The following ZMYM2 variants were observed in gnomAD, a reference collection of about 807,000 sequenced individuals.
ZMYM2 encodes the protein zinc finger MYM-type protein 2.
A neutral mutation model predicts 162.8 loss-of-function variants in ZMYM2; 56 were observed. That is an observed-to-expected ratio of 0.34 (90% confidence interval 0.28 to 0.43). The LOEUF (loss-of-function observed/expected upper bound fraction) is 0.43, where lower values mean the gene tolerates loss of function less well. Among genes scored for constraint, ZMYM2 ranks in the 20% least tolerant of loss-of-function variants. ZMYM2 has a pLI of 1.00. For missense variants in ZMYM2, 1,275 were observed against 1,621.8 expected (o/e 0.79, Z 3.67); for synonymous variants, 510 against 541.6 (o/e 0.94, Z 0.81).
upstream of ZMYM2, among the ~76,000 whole-genome samples, chr13:19,957,533 A>C (rs1187887077): frequency 6.6e-6 from 1 of 152,194 alleles, no homozygotes; most frequent in Non-Finnish European, 1.5e-5. Context: ...CCCCTCGTGG[A>C]GGTGGCCTGT....
At chr13:19,906,189 C>T in the ZMYM2 span, among the ~76,000 whole-genome samples, 2 of 150,218 alleles carry the variant, frequency 1.3e-5, no homozygotes, top group Non-Finnish European at 3.0e-5. Flanking sequence ...GCAGGAGAAT[C>T]GCTTGAACCT....
chr13:19,871,711 T>TA, the ZMYM2 span, among the ~76,000 whole-genome samples: 2 of 152,216 alleles, frequency 1.3e-5, no homozygotes, highest in Non-Finnish European at 1.5e-5. Context: ...ATACTAAATG[T>TA]AAAAAATTGA....
the ZMYM2 span, among the ~76,000 whole-genome samples, chr13:19,934,768 TTTC>T: frequency 0.048 from 202 of 4,242 alleles, 1 homozygote; most frequent in South Asian, 0.36. Flanking sequence ...TCTTTCTTTC[TTTC>T]TTTTTTTTTT....
intron 14 of ZMYM2, among the ~76,000 whole-genome samples, chr13:20,053,780 T>C (rs1955567479): frequency 1.3e-5 from 2 of 152,230 alleles, no homozygotes. Context: ...ATGTTAATAG[T>C]TGGACAGAAT....
rs189619944 is a variant in ZMYM2 at position 20,081,871 on chromosome 13, A to G, written c.3454-145A>G. ...ATGATTCTTTATAATTTCTAGGTGC[A>G]TACATAAAATCAGTCATGTTTTAGT... On this transcript the variant is annotated intron_variant, in intron 21 of 24. Coordinates refer to ENST00000610343, the MANE Select transcript of ZMYM2 (RefSeq NM_197968.4). 3.0e-3 allele frequency: 1,482 copies of G among 491,894 alleles called. 5 individuals carry two copies. Among genetic ancestry groups the G allele is most frequent in the Non-Finnish European group, 3.4e-3 (984 of 285,272 alleles). 30.5% of individuals were successfully genotyped at this position (491,894 alleles called of 1,614,324 possible). A position where few individuals can be genotyped will look rare whatever the true frequency, so the allele number is the denominator to read the frequency against.
upstream of ZMYM2, among the ~76,000 whole-genome samples, chr13:19,957,499 G>A (rs1566143531): frequency 6.6e-6 from 1 of 152,238 alleles, no homozygotes; most frequent in Non-Finnish European, 1.5e-5. Context: ...AGACGTAGGT[G>A]TAGACGAGGA....
chr13:20,022,105 G>A (rs1374990004), intron 7 of ZMYM2, among the ~76,000 whole-genome samples: 2 of 152,206 alleles, frequency 1.3e-5, no homozygotes, highest in African/African-American at 2.4e-5. Flanking sequence ...CTTGTGTGTA[G>A]AGTTTGAAAA....
intron 4 of ZMYM2, among the ~76,000 whole-genome samples, chr13:20,003,395 A>G (rs532573777): frequency 6.6e-6 from 1 of 152,218 alleles, no homozygotes; most frequent in African/African-American, 2.4e-5. Context: ...AGAAGAAATT[A>G]GTTCTTATAG....
At chr13:19,964,005 T>TA (rs1229408484) in intron 2 of ZMYM2, among the ~76,000 whole-genome samples, 1 of 152,206 alleles carries the variant, frequency 6.6e-6, no homozygotes, top group Non-Finnish European at 1.5e-5. Context: ...AAGAAGGGTA[T>TA]AGCTGTTGGG....
At chr13:19,881,447 A>C in the ZMYM2 span, among the ~76,000 whole-genome samples, 137,445 of 151,040 alleles carry the variant, frequency 0.91, 63,920 homozygotes, top group Non-Finnish European at 1. Context: ...CATGGCAAAA[A>C]CCCATCTCTA....
chr13:19,947,663 T>TGGCTAGGCGA, the ZMYM2 span, among the ~76,000 whole-genome samples: 1 of 148,466 alleles, frequency 6.7e-6, no homozygotes, highest in Non-Finnish European at 1.5e-5. Context: ...TTCACCATGT[T>TGGCTAGGCGA]GGCTAGGCTA....
Position 20,034,255 on chromosome 13 carries a change from A to G in ZMYM2, c.1970A>G (p.Asn657Ser). Residue 657 changes from asparagine to serine, a missense_variant and splice_region_variant, in exon 11 of 25, where the codon AAC (asparagine) becomes AGC (serine). This residue lies in a region of ZMYM2 where 276 missense variants were observed against 311.8 expected (regional missense o/e 0.89). Transcript: ENST00000610343. Reference protein sequence around the residue: ...CSKPEILEWENKVHQFCSKTC... With the variant: ...CSKPEILEWESKVHQFCSKTC... ...CCAAGGTTCCCATTGTGCATTTAGAACAAAGTGCATCAGTTCTGCAGCAAA... is the reference window on the plus strand; with the variant it reads ...CCAAGGTTCCCATTGTGCATTTAGAGCAAAGTGCATCAGTTCTGCAGCAAA... The G allele has an allele frequency of 6.3e-7, 1 of 1,587,484 alleles. No homozygotes were observed.
rs1949799401 is a variant in ZMYM2 at position 19,993,634 on chromosome 13, A to G, written c.562A>G (p.Thr188Ala). 6.2e-7 allele frequency: 1 copy of G among 1,614,164 alleles called. No individual in the cohort carries two copies. Among genetic ancestry groups the G allele is most frequent in the African/African-American group, 1.3e-5 (1 of 75,074 alleles). ...CTCTGAAATTCAGATTGCTAATGTT[A>G]CAACTTTAGAAACAGGTGTAAGCTC... ...PDSEIQIANV[T>A]TLETGVSSVN... The change falls in exon 3 of 25, where the codon ACA becomes GCA. Residue 188 changes from threonine to alanine, a missense_variant. Coordinates refer to ENST00000610343, the MANE Select transcript of ZMYM2 (RefSeq NM_197968.4).
chr13:19,993,970 C>T, intron 3 of ZMYM2, 51 bp downstream of exon 3: 1 of 1,549,494 alleles, frequency 6.5e-7, no homozygotes, highest in Non-Finnish European at 8.7e-7. Context: ...AAACTTTTGG[C>T]TGCTGCTTTT....
the ZMYM2 span, among the ~76,000 whole-genome samples, chr13:19,915,698 T>C: frequency 6.7e-6 from 1 of 150,264 alleles, no homozygotes; most frequent in African/African-American, 2.5e-5. Context: ...GAGACAGAGT[T>C]TTGCCATGTT....
the ZMYM2 span, among the ~76,000 whole-genome samples, chr13:19,869,659 C>G: frequency 5.3e-5 from 8 of 151,966 alleles, no homozygotes; most frequent in Non-Finnish European, 1.2e-4. Context: ...CTTGGTGGTA[C>G]ATGTCTGTAT....
chr13:20,074,199 TG>T (rs1957307291), intron 21 of ZMYM2, among the ~76,000 whole-genome samples: 1 of 20,908 alleles, frequency 4.8e-5, no homozygotes, highest in Non-Finnish European at 1.4e-4. Context: ...TCAGAATTTG[TG>T]TGTGTGTGTG....
At chr13:20,051,334 C>A in intron 12 of ZMYM2, 99 bp from the exon 13 acceptor site, 17 of 1,042,394 alleles carry the variant, frequency 1.6e-5, no homozygotes, top group Admixed American at 3.5e-5. Context: ...TTTTCTGTAT[C>A]AGTCACGGTT....
the ZMYM2 span, among the ~76,000 whole-genome samples, chr13:19,919,410 A>G: frequency 6.6e-6 from 1 of 152,120 alleles, no homozygotes; most frequent in Non-Finnish European, 1.5e-5. Context: ...TTAGTGTTTT[A>G]AGAAGCTGCC....
Sources: allele counts gnomAD v4.1 joint callset (sites outside exome capture counted in the v4.1 genomes callset), GRCh38; gene constraint gnomAD v4.1.1; regional missense constraint gnomAD v4.1.1; transcripts MANE v1.5; gene names NCBI Gene and HGNC (gene_info 2026-07-23, HGNC 2026-07-21).